Variants in SLC13A3 observed in about 807,000 individuals in gnomAD.
SLC13A3 encodes the protein Na(+)/dicarboxylate cotransporter 3.
SLC13A3 carries 40 observed loss-of-function variants against 59.0 expected under a neutral mutation model. The ratio of observed to expected loss-of-function variants is 0.68; its 90% CI spans 0.53 to 0.88. The LOEUF (loss-of-function observed/expected upper bound fraction) is 0.88, where lower values mean the gene tolerates loss of function less well. Ranked by LOEUF, SLC13A3 falls within the 40% of genes least tolerant of loss-of-function variation. The probability of loss-of-function intolerance (pLI) is 0.00; values close to 1 mark genes in which losing one functional copy is unlikely to be tolerated. For missense variants in SLC13A3, 699 were observed against 783.2 expected (o/e 0.89, Z 1.28); for synonymous variants, 317 against 330.3 (o/e 0.96, Z 0.44).
Position 46,597,593 on chromosome 20 carries a change from T to C in SLC13A3, c.609-1251A>G, listed in dbSNP as rs551647843. On this transcript the variant is annotated intron_variant, in intron 4 of 12. Coordinates refer to ENST00000279027, the MANE Select transcript of SLC13A3 (RefSeq NM_022829.6). ...CTGAGATTATAGGTGCCCACCACCATGCCCAGCTAATTTTTGTATTTTTAG... is the reference window on the plus strand; with the variant it reads ...CTGAGATTATAGGTGCCCACCACCACGCCCAGCTAATTTTTGTATTTTTAG... Among the ~76,000 whole-genome samples, 6 of 152,256 alleles carry C rather than the reference T, an allele frequency of 3.9e-5. No individual in the cohort carries two copies. The East Asian group carries it at 5.8e-4, about 15-fold the overall frequency.
chr20:46,653,471 A>G (rs1018285788), upstream of SLC13A3, among the ~76,000 whole-genome samples: 6 of 152,192 alleles, frequency 3.9e-5, no homozygotes, highest in African/African-American at 1.4e-4. Flanking sequence ...TAGAGACAGA[A>G]ACTAAAAACC....
intron 1 of SLC13A3, among the ~76,000 whole-genome samples, chr20:46,642,197 T>C (rs185521617): frequency 3.3e-5 from 5 of 152,344 alleles, no homozygotes; most frequent in Admixed American, 2.0e-4. Flanking sequence ...TCTGTGTCTG[T>C]GTGTTTATCA....
In SLC13A3 at chr20:46,651,444, G is replaced by A; in HGVS notation, c.-23C>T. On this transcript the variant is annotated 5_prime_UTR_variant, in exon 1 of 13. Transcript: ENST00000279027. ...CATCAGCGCGATCGCCTGGCGGTACGGGCCGGCCCGGGACTGCCCCGCCTG... is the reference window on the plus strand; with the variant it reads ...CATCAGCGCGATCGCCTGGCGGTACAGGCCGGCCCGGGACTGCCCCGCCTG... 3 of 1,457,342 alleles carry A rather than the reference G, an allele frequency of 2.1e-6. No individual in the cohort carries two copies. Among genetic ancestry groups the A allele is most frequent in the Non-Finnish European group, 2.7e-6 (3 of 1,112,358 alleles). The allele number at this position is 1,457,342 out of a possible 1,614,324, so 90.3% of individuals were successfully genotyped here. A position where few individuals can be genotyped will look rare whatever the true frequency, so the allele number is the denominator to read the frequency against.
rs369032106 is a variant in SLC13A3 at position 46,566,396 on chromosome 20, G to A, written c.1333-6C>T. On this transcript the variant is annotated splice_region_variant and splice_polypyrimidine_tract_variant and intron_variant, in intron 10 of 12. Coordinates refer to ENST00000279027, the MANE Select transcript of SLC13A3 (RefSeq NM_022829.6). ...CATACAGACAGCCCCGATTCCTGCGGAGGGAAAGGCATTCCTTCATACCCC... is the reference window on the plus strand; with the variant it reads ...CATACAGACAGCCCCGATTCCTGCGAAGGGAAAGGCATTCCTTCATACCCC... 1.9e-6 allele frequency: 3 copies of A among 1,611,288 alleles called. No individual in the cohort carries two copies. The African/African-American group carries it at 4.0e-5, about 22-fold the overall frequency.
intron 8 of SLC13A3, 27 bp downstream of exon 8, chr20:46,588,032 C>T (rs749718180): frequency 1.4e-6 from 2 of 1,435,940 alleles, no homozygotes; most frequent in Non-Finnish European, 1.9e-6. Context: ...CTGTTGGACT[C>T]CTCCCTGTGG....
chr20:46,621,924 G>A (rs1017134690), intron 1 of SLC13A3, among the ~76,000 whole-genome samples: 1 of 152,102 alleles, frequency 6.6e-6, no homozygotes, highest in African/African-American at 2.4e-5. Flanking sequence ...GTTTGACCAC[G>A]GATTGAAATA....
In SLC13A3 at chr20:46,613,486, C is replaced by A. The variant is rs149752734; in HGVS notation, c.351G>T (p.Leu117=). 288 of 1,603,622 alleles carry A rather than the reference C, an allele frequency of 1.8e-4. 1 individual carries two copies. Among genetic ancestry groups the A allele is most frequent in the Non-Finnish European group, 2.3e-4 (268 of 1,173,976 alleles). Residue 117 remains leucine, a synonymous_variant, in exon 2 of 13, where the codon CTG becomes CTT. Transcript: ENST00000279027. ...TGGCCGGCTGGACTCCAACAAGCAT[C>A]AGGATCTTGAGGGCGATTCGCCGGT... ...NLHRRIALKI[L]MLVGVQPARL...
rs202391 is a variant in SLC13A3 at position 46,566,265 on chromosome 20, C to T, written c.1458G>A (p.Ala486=). The change falls in exon 11 of 13, where the codon GCG becomes GCA. Residue 486 remains alanine, a synonymous_variant. Coordinates refer to ENST00000279027, the MANE Select transcript of SLC13A3 (RefSeq NM_022829.6). ...AFFTEFASNT[A]TIIIFLPVLA... ...GGACCGGCAGGAAGATGATGATGGT[C>T]GCCGTGTTGCTGGCAAACTCAGTGA... The T allele has an allele frequency of 6.8e-6, 11 of 1,613,230 alleles. No individual in the cohort carries two copies. The highest frequency in any genetic ancestry group is 2.2e-5 in the South Asian group (2 of 91,064).
rs1344613133 is a variant in SLC13A3, at chr20:46,559,498, A to T, written c.*524T>A. On this transcript the variant is annotated 3_prime_UTR_variant, in exon 13 of 13. Coordinates refer to ENST00000279027, the MANE Select transcript of SLC13A3 (RefSeq NM_022829.6). Reference sequence around the variant, plus strand: ...GACTGCTGGTTATCGGCAGGGGTAAAACAACTGGTGCAGAATGGGCACCAA... The same window carrying T: ...GACTGCTGGTTATCGGCAGGGGTAATACAACTGGTGCAGAATGGGCACCAA... 2 of 152,432 alleles carry T rather than the reference A, an allele frequency of 1.3e-5. No individual in the cohort carries two copies. The highest frequency in any genetic ancestry group is 2.9e-5 in the Non-Finnish European group (2 of 68,204). The allele number at this position is 152,432 out of a possible 1,614,324, so 9.4% of individuals were successfully genotyped here. A position where few individuals can be genotyped will look rare whatever the true frequency, so the allele number is the denominator to read the frequency against.
intron 1 of SLC13A3, among the ~76,000 whole-genome samples, chr20:46,646,576 A>T (rs1844768226): frequency 6.6e-6 from 1 of 152,172 alleles, no homozygotes; most frequent in African/African-American, 2.4e-5. Context: ...CAGCCTCAGA[A>T]ATTCAAGGTT....
intron 1 of SLC13A3, among the ~76,000 whole-genome samples, chr20:46,656,932 A>G (rs1488472499): frequency 6.6e-6 from 1 of 152,052 alleles, no homozygotes; most frequent in African/African-American, 2.4e-5. Flanking sequence ...CTTCAGTTAT[A>G]CAATTTTCAT....
At position 46,559,853 on chromosome 20, in the gene SLC13A3, A is replaced by C; in HGVS notation, c.*169T>G. On this transcript the variant is annotated 3_prime_UTR_variant, in exon 13 of 13. Coordinates refer to ENST00000279027, the MANE Select transcript of SLC13A3 (RefSeq NM_022829.6). ...GAACTGCATGAAAGAGAGAGAAAGT[A>C]TCCTAGATAATGGCTCATGGACTTG... 1.6e-6 allele frequency: 1 copy of C among 617,306 alleles called. No homozygotes were observed. Among genetic ancestry groups the C allele is most frequent in the South Asian group, 2.2e-5 (1 of 46,034 alleles). The allele number at this position is 617,306 out of a possible 1,614,324, so 38.2% of individuals were successfully genotyped here. A position where few individuals can be genotyped will look rare whatever the true frequency, so the allele number is the denominator to read the frequency against.
intron 8 of SLC13A3, among the ~76,000 whole-genome samples, 194 bp downstream of exon 8, chr20:46,587,865 G>A (rs2062209936): frequency 6.6e-6 from 1 of 152,170 alleles, no homozygotes; most frequent in African/African-American, 2.4e-5. Context: ...CCCAACACAT[G>A]AGAAGTCATA....
intron 1 of SLC13A3, among the ~76,000 whole-genome samples, chr20:46,647,090 G>T (rs1273416059): frequency 4.6e-5 from 7 of 152,052 alleles, no homozygotes; most frequent in Non-Finnish European, 7.4e-5. Context: ...AGAATAAAAG[G>T]CCCTTCCTCA....
Position 46,629,830 on chromosome 20 carries a change from G to A in SLC13A3, c.112-16105C>T, listed in dbSNP as rs1206430447. ...GGCAATTTTTAAAATACATTTCACC[G>A]AAAAATATCTGTCCGATAGTTTCTC... On this transcript the variant is annotated intron_variant, in intron 1 of 12. Transcript: ENST00000279027. Among the ~76,000 whole-genome samples, 18 of 151,998 alleles carry A rather than the reference G, an allele frequency of 1.2e-4. No individual in the cohort carries two copies. In the East Asian group the frequency reaches 1.5e-3, roughly 13 times the overall value.
At chr20:46,651,162 G>A (rs2062948015) in intron 1 of SLC13A3, 149 bp downstream of exon 1, 1 of 1,296,800 alleles carries the variant, frequency 7.7e-7, no homozygotes, top group South Asian at 2.0e-5. Flanking sequence ...CGTTCACAGC[G>A]GTCCGCGGCA....
intron 1 of SLC13A3, among the ~76,000 whole-genome samples, chr20:46,643,577 A>C (rs2122862464): frequency 6.6e-6 from 1 of 152,320 alleles, no homozygotes. Context: ...TGGATCAGCA[A>C]GGAAACGGGG....
upstream of SLC13A3, among the ~76,000 whole-genome samples, chr20:46,655,361 T>G (rs1164709750): frequency 6.7e-6 from 1 of 150,278 alleles, no homozygotes; most frequent in African/African-American, 2.4e-5. Flanking sequence ...CAAATATACA[T>G]ATATGTATAT....
chr20:46,656,859 T>C (rs564176630), intron 1 of SLC13A3, among the ~76,000 whole-genome samples: 1 of 152,236 alleles, frequency 6.6e-6, no homozygotes, highest in South Asian at 2.1e-4. Flanking sequence ...TTGTTCCATG[T>C]CCCGGTTCAC....
Sources: gnomAD v4.1 joint callset for allele counts (sites outside exome capture counted in the v4.1 genomes callset) on GRCh38, gnomAD v4.1.1 for gene constraint, MANE v1.5 for transcripts, NCBI Gene and HGNC (gene_info 2026-07-23, HGNC 2026-07-21) for gene names.